The following ADAMTSL1 variants were observed in gnomAD, a reference collection of about 807,000 sequenced individuals.
The protein encoded by ADAMTSL1 is ADAMTS like 1, also known as ADAMTS-like protein 1.
Under a neutral mutation model 201.8 loss-of-function variants are expected in ADAMTSL1, and 126 were observed. The observed-to-expected ratio is 0.62, with a 90% confidence interval of 0.54 to 0.72. The LOEUF is 0.72. ADAMTSL1 is among the 30% of genes least tolerant of loss of function. The pLI is 0.00. For missense variants in ADAMTSL1, 2,679 were observed against 2,277.8 expected (o/e 1.18, Z -3.59); for synonymous variants, 1,121 against 903.4 (o/e 1.24, Z -4.32).
rs59625065 is a variant in ADAMTSL1, at chr9:18,181,912, A to T, written c.207+17931A>T. On this transcript the variant is annotated intron_variant, in intron 2 of 29. Coordinates refer to the ADAMTSL1 transcript ENST00000680146. ...CAAATGTCCAACAAAGATAGACTGG[A>T]TTAAGAAAATGTGGCACATATACAC... 1.8e-3 allele frequency among the ~76,000 whole-genome samples: 280 copies of T among 152,312 alleles called. 2 individuals carry two copies. Among genetic ancestry groups the T allele is most frequent in the African/African-American group, 6.5e-3 (272 of 41,564 alleles).
At chr9:18,825,701 C>T (rs944335061) in intron 21 of ADAMTSL1, among the ~76,000 whole-genome samples, 1 of 151,676 alleles carries the variant, frequency 6.6e-6, no homozygotes, top group Non-Finnish European at 1.5e-5. Flanking sequence ...AGCCACTTGT[C>T]CCATTTCTCA....
At chr9:17,916,937 C>T (rs1483249071) in intron 1 of ADAMTSL1, among the ~76,000 whole-genome samples, 2 of 152,046 alleles carry the variant, frequency 1.3e-5, no homozygotes, top group African/African-American at 4.8e-5. Context: ...GTTAGGTCTT[C>T]TAAACAGTAT....
At chr9:18,551,246 G>A (rs1310000463) in intron 3 of ADAMTSL1, among the ~76,000 whole-genome samples, 1 of 151,778 alleles carries the variant, frequency 6.6e-6, no homozygotes, top group Non-Finnish European at 1.5e-5. Flanking sequence ...TTTCCTATCT[G>A]TGGGTGCATT....
At chr9:18,673,258 T>C (rs1829937133) in intron 9 of ADAMTSL1, among the ~76,000 whole-genome samples, 1 of 151,822 alleles carries the variant, frequency 6.6e-6, no homozygotes, top group Non-Finnish European at 1.5e-5. Context: ...AAGTAAGCAA[T>C]AGGAAGTTAA....
At chr9:18,866,131 T>A (rs200908160) in intron 23 of ADAMTSL1, among the ~76,000 whole-genome samples, 283 of 41,730 alleles carry the variant, frequency 6.8e-3, no homozygotes, top group African/African-American at 0.02. Flanking sequence ...AAAAAAAAAA[T>A]GACGGATACT....
intron 3 of ADAMTSL1, among the ~76,000 whole-genome samples, chr9:18,535,193 C>G (rs901982850): frequency 6.6e-6 from 1 of 152,194 alleles, no homozygotes; most frequent in Non-Finnish European, 1.5e-5. Context: ...CCTAAATCAT[C>G]TCTCTCAAGT....
In ADAMTSL1 at chr9:18,909,122, G is replaced by C. The variant is rs1293508458; in HGVS notation, c.*574G>C. The C allele has an allele frequency of 6.5e-6, 1 of 153,140 alleles. No homozygotes were observed. The highest frequency in any genetic ancestry group is 2.4e-5 in the African/African-American group (1 of 41,442). The allele number at this position is 153,140 out of a possible 1,614,324, so 9.5% of individuals were successfully genotyped here. ...CTAGTGGGTGAGTGCAGAGAGAGAA[G>C]AACTCAGATCACCAGTAGGGAGAGG... On this transcript the variant is annotated 3_prime_UTR_variant, in exon 29 of 29. Transcript: ENST00000380548.
chr9:17,969,869 G>C (rs1157513363), intron 1 of ADAMTSL1, among the ~76,000 whole-genome samples: 1 of 151,902 alleles, frequency 6.6e-6, no homozygotes, highest in East Asian at 1.9e-4. Flanking sequence ...AACTTGTTTT[G>C]GTGTTAAGAG....
At chr9:18,751,664 C>T (rs554174611) in intron 15 of ADAMTSL1, among the ~76,000 whole-genome samples, 1 of 152,296 alleles carries the variant, frequency 6.6e-6, no homozygotes, top group South Asian at 2.1e-4. Context: ...GAGGTATACA[C>T]TCTAGCAGTG....
intron 2 of ADAMTSL1, among the ~76,000 whole-genome samples, chr9:18,189,718 A>G (rs977251888): frequency 1.3e-5 from 2 of 152,124 alleles, no homozygotes; most frequent in African/African-American, 4.8e-5. Flanking sequence ...TTCAGCTCCC[A>G]CCATTATACA....
chr9:18,187,783 G>T (rs1198577525), intron 2 of ADAMTSL1, among the ~76,000 whole-genome samples: 1 of 152,074 alleles, frequency 6.6e-6, no homozygotes, highest in Non-Finnish European at 1.5e-5. Flanking sequence ...GAAAATGAAA[G>T]TTATTCTTAC....
intron 23 of ADAMTSL1, among the ~76,000 whole-genome samples, chr9:18,871,212 A>C (rs1284177709): frequency 6.6e-6 from 1 of 152,220 alleles, no homozygotes; most frequent in African/African-American, 2.4e-5. Flanking sequence ...GGAGCCTATT[A>C]TTAGAAAAAT....
chr9:18,537,097 A>G (rs1819822568), intron 3 of ADAMTSL1, among the ~76,000 whole-genome samples: 1 of 152,176 alleles, frequency 6.6e-6, no homozygotes, highest in Non-Finnish European at 1.5e-5. Context: ...AGACAACAAT[A>G]TGTATTAAGC....
chr9:18,417,414 A>C (rs1818735427), intron 2 of ADAMTSL1, among the ~76,000 whole-genome samples: 1 of 150,784 alleles, frequency 6.6e-6, no homozygotes, highest in Non-Finnish European at 1.5e-5. Context: ...GCAGAAATTA[A>C]TTTAAATTGA....
intron 21 of ADAMTSL1, among the ~76,000 whole-genome samples, chr9:18,817,825 A>G (rs1036403972): frequency 1.3e-5 from 2 of 152,210 alleles, no homozygotes; most frequent in African/African-American, 4.8e-5. Flanking sequence ...GACTGGATGG[A>G]CATGAGAAAG....
intron 7 of ADAMTSL1, among the ~76,000 whole-genome samples, chr9:18,654,953 C>T (rs1828533447): frequency 6.6e-6 from 1 of 152,238 alleles, no homozygotes. Flanking sequence ...CCTGTGGCTT[C>T]CTTTTGCCTC....
intron 20 of ADAMTSL1, among the ~76,000 whole-genome samples, chr9:18,799,718 CAG>C (rs964156382): frequency 6.6e-6 from 1 of 151,944 alleles, no homozygotes; most frequent in African/African-American, 2.4e-5. Context: ...AAGGGAGAGA[CAG>C]AAAATATTTC....
At chr9:18,841,248 G>C (rs1239032886) in intron 23 of ADAMTSL1, among the ~76,000 whole-genome samples, 9 of 149,990 alleles carry the variant, frequency 6.0e-5, no homozygotes, top group East Asian at 1.9e-4. Context: ...TAGCATGAAG[G>C]GTTGTTGAAT....
intron 1 of ADAMTSL1, among the ~76,000 whole-genome samples, chr9:18,128,972 C>A (rs781307113): frequency 5.3e-5 from 8 of 152,142 alleles, no homozygotes; most frequent in Non-Finnish European, 8.8e-5. Flanking sequence ...TAGAGGCAAT[C>A]TATAAAGTCT....
Sources: allele counts gnomAD v4.1 joint callset (sites outside exome capture counted in the v4.1 genomes callset), GRCh38; gene constraint gnomAD v4.1.1; transcripts MANE v1.5; gene names NCBI Gene and HGNC (gene_info 2026-07-23, HGNC 2026-07-21).